Variants in EPHA8 observed in about 807,000 individuals in gnomAD.
EPHA8 encodes ephrin type-A receptor 8.
Under a neutral mutation model 103.6 loss-of-function variants are expected in EPHA8, and 58 were observed. The observed-to-expected ratio is 0.56, with a 90% CI of 0.45 to 0.70. The LOEUF (loss-of-function observed/expected upper bound fraction) is 0.70. Ranked by LOEUF, EPHA8 falls within the 30% of genes least tolerant of loss-of-function variation. The pLI, the probability that EPHA8 is intolerant of heterozygous loss-of-function variation, is 0.00. For missense variants in EPHA8, 1,304 were observed against 1,395.2 expected (o/e 0.93, Z 1.04); for synonymous variants, 559 against 572.5 (o/e 0.98, Z 0.34).
intron 3 of EPHA8, among the ~76,000 whole-genome samples, chr1:22,578,451 CGA>C (rs1298188148): frequency 9.1e-5 from 3 of 32,962 alleles, no homozygotes; most frequent in Admixed American, 3.3e-4. Context: ...TGCATGTGTG[CGA>C]GTGTATGCAT....
chr1:22,597,714 C>T lies in EPHA8; in HGVS notation c.1969C>T (p.Pro657Ser), dbSNP rs1641560977. 5 of 1,612,236 alleles carry T rather than the reference C, an allele frequency of 3.1e-6. No individual in the cohort carries two copies. Among genetic ancestry groups the T allele is most frequent in the Admixed American group, 1.7e-5 (1 of 59,946 alleles). Residue 657 changes from proline (P) to serine (S), a missense_variant, in exon 11 of 17, where the codon CCA becomes TCA. Coordinates refer to ENST00000166244, the MANE Select transcript of EPHA8 (RefSeq NM_020526.5). The surrounding 1 kb of genome is among the most constrained non-coding windows in gnomAD (Gnocchi z 4.6). ...GEVCYGRLRV[P>S]GQRDVPVAIK... Reference sequence around the variant, plus strand: ...AGTCTGCTACGGGAGGCTGCGGGTGCCAGGGCAGCGGGATGTGCCCGTGGC... The same window carrying T: ...AGTCTGCTACGGGAGGCTGCGGGTGTCAGGGCAGCGGGATGTGCCCGTGGC...
intron 2 of EPHA8, among the ~76,000 whole-genome samples, chr1:22,573,459 A>C (rs1196492421): frequency 6.6e-6 from 1 of 152,202 alleles, no homozygotes. Context: ...GGATGGGCAG[A>C]AAAAGACTTG....
chr1:22,578,381 T>C (rs1243899214), intron 3 of EPHA8, among the ~76,000 whole-genome samples: 1 of 148,312 alleles, frequency 6.7e-6, no homozygotes, highest in Non-Finnish European at 1.5e-5. Context: ...TGCTTTAGTA[T>C]ATGTATGCAT....
Position 22,596,126 on chromosome 1 carries a change from C to A in EPHA8, c.1718C>A (p.Ala573Asp). 1 of 1,613,930 alleles carries A rather than the reference C, an allele frequency of 6.2e-7. No homozygotes were observed. The highest frequency in any genetic ancestry group is 8.5e-7 in the Non-Finnish European group (1 of 1,179,990). Residue 573 changes from alanine (A) to aspartate (D), a missense_variant, in exon 9 of 17, where the codon GCC becomes GAC. Physicochemically the swap from Ala to Asp is moderately radical, Grantham distance 126. Transcript: ENST00000166244. ...TGCAGGCACTGTGGCTACAGCAAGG[C>A]CTTCCAGGACTCGGACGAGGAGAAG... Reference protein sequence around the residue: ...CKKRHCGYSKAFQDSDEEKMH... With the variant: ...CKKRHCGYSKDFQDSDEEKMH...
chr1:22,581,866 A>G (rs1314834626), intron 3 of EPHA8, among the ~76,000 whole-genome samples: 1 of 152,242 alleles, frequency 6.6e-6, no homozygotes, highest in African/African-American at 2.4e-5. Flanking sequence ...TAAGTCGCAC[A>G]AGGAAAGACA....
chr1:22,601,528 C>A, intron 16 of EPHA8, 55 bp downstream of exon 16: 2 of 1,602,954 alleles, frequency 1.2e-6, no homozygotes, highest in Non-Finnish European at 1.7e-6. Flanking sequence ...GGGGGGGACC[C>A]CTGCCGGGGA....
Position 22,601,397 on chromosome 1 carries a change from C to A in EPHA8, c.2827C>A (p.Arg943Ser), listed in dbSNP as rs199559772. The change falls in exon 16 of 17, where the codon CGC becomes AGC. Residue 943 changes from arginine (R) to serine (S), a missense_variant. Arg to Ser is a moderately radical substitution (Grantham distance 110). Transcript: ENST00000166244. ...CGTGGGGGACTGGCTGGACTCCATC[C>A]GCATGGGCCGGTACCGAGACCACTT... ...LTVGDWLDSI[R>S]MGRYRDHFAA... 1.9e-6 allele frequency: 3 copies of A among 1,611,382 alleles called. No individual in the cohort carries two copies. Among genetic ancestry groups the A allele is most frequent in the East Asian group, 2.2e-5 (1 of 44,860 alleles).
At chr1:22,585,053 G>A (rs543835297) in intron 3 of EPHA8, among the ~76,000 whole-genome samples, 2 of 94,234 alleles carry the variant, frequency 2.1e-5, no homozygotes, top group East Asian at 2.5e-4. Flanking sequence ...GTGTGTGTGC[G>A]CACGCGTGTG....
At chr1:22,578,869 A>T (rs1380722488) in intron 3 of EPHA8, among the ~76,000 whole-genome samples, 1 of 140,040 alleles carries the variant, frequency 7.1e-6, no homozygotes, top group Non-Finnish European at 1.6e-5. Flanking sequence ...GTGTATATGC[A>T]CGTGTCCGTG....
Position 22,598,683 on chromosome 1 carries a change from C to T in EPHA8, c.2179-155C>T, listed in dbSNP as rs1240855891. On this transcript the variant is annotated intron_variant, in intron 12 of 16. Coordinates refer to ENST00000166244, the MANE Select transcript of EPHA8 (RefSeq NM_020526.5). The surrounding 1 kb of genome is among the most constrained non-coding windows in gnomAD (Gnocchi z 5.1). Reference sequence around the variant, plus strand: ...GGGTAAATGAGACCAGGAGAATAACCCTTAACTGCAAAGTGCTTCAGAAGT... The same window carrying T: ...GGGTAAATGAGACCAGGAGAATAACTCTTAACTGCAAAGTGCTTCAGAAGT... 6.6e-6 allele frequency among the ~76,000 whole-genome samples: 1 copy of T among 152,190 alleles called. No homozygotes were observed. The highest frequency in any genetic ancestry group is 1.5e-5 in the Non-Finnish European group (1 of 68,036).
Position 22,601,999 on chromosome 1 carries a change from T to C in EPHA8, c.*258T>C, listed in dbSNP as rs1200472203. 2 of 565,830 alleles carry C rather than the reference T, an allele frequency of 3.5e-6. No homozygotes were observed. The highest frequency in any genetic ancestry group is 3.1e-6 in the Non-Finnish European group (1 of 323,502). 35.1% of individuals were successfully genotyped at this position (565,830 alleles called of 1,614,324 possible). A position where few individuals can be genotyped will look rare whatever the true frequency, so the allele number is the denominator to read the frequency against. ...CTTCTCTTTTCCAGAGCCTGGGGCCTCCACGTCACAGAGTCCAACAGGGAC... is the reference window on the plus strand; with the variant it reads ...CTTCTCTTTTCCAGAGCCTGGGGCCCCCACGTCACAGAGTCCAACAGGGAC... On this transcript the variant is annotated 3_prime_UTR_variant, in exon 17 of 17. Coordinates refer to ENST00000166244, the MANE Select transcript of EPHA8 (RefSeq NM_020526.5).
In EPHA8 at chr1:22,589,966, AC is replaced by A. The variant is rs1403167305; in HGVS notation, c.1315+763del. 2.0e-5 allele frequency among the ~76,000 whole-genome samples: 3 copies of A among 152,042 alleles called. No homozygotes were observed. Among genetic ancestry groups the A allele is most frequent in the Admixed American group, 1.3e-4 (2 of 15,270 alleles). On this transcript the variant is annotated intron_variant, in intron 5 of 16. Coordinates refer to ENST00000166244, the MANE Select transcript of EPHA8 (RefSeq NM_020526.5). The surrounding 1 kb of genome is among the most constrained non-coding windows in gnomAD (Gnocchi z 4.3). ...AGGAAGAAACTGAGGCCTGGAGAGC[AC>A]CCAGGGCCACCTGACATAGGAAGTG...
At chr1:22,572,448 G>A (rs144726951) in intron 2 of EPHA8, among the ~76,000 whole-genome samples, 2,850 of 152,312 alleles carry the variant, frequency 0.019, 25 homozygotes, top group Non-Finnish European at 0.026. Context: ...GAAGACTGGG[G>A]GAGGTCTGGC....
chr1:22,601,784 G>A lies in EPHA8; in HGVS notation c.*43G>A. 6.5e-7 allele frequency: 1 copy of A among 1,528,478 alleles called. No individual in the cohort carries two copies. Among genetic ancestry groups the A allele is most frequent in the Non-Finnish European group, 8.8e-7 (1 of 1,131,490 alleles). 94.7% of individuals were successfully genotyped at this position (1,528,478 alleles called of 1,614,324 possible). On this transcript the variant is annotated 3_prime_UTR_variant, in exon 17 of 17. Coordinates refer to ENST00000166244, the MANE Select transcript of EPHA8 (RefSeq NM_020526.5). ...CCAGGCAGCCACCAAGCCCACCCCA[G>A]GTCATGCCAGCGGCAGAGGACGTGA...
rs1276347160 is a variant in EPHA8, at chr1:22,577,845, T to C, written c.823+965T>C. Reference sequence around the variant, plus strand: ...GTGCATGTGTGCGTGTGTGCATGTATGTGTGCATGCGTATGTATGCATTGT... The same window carrying C: ...GTGCATGTGTGCGTGTGTGCATGTACGTGTGCATGCGTATGTATGCATTGT... On this transcript the variant is annotated intron_variant, in intron 3 of 16. Transcript: ENST00000166244. Among the ~76,000 whole-genome samples, 301 of 123,560 alleles carry C rather than the reference T, an allele frequency of 2.4e-3. 3 individuals are homozygous for C. Among genetic ancestry groups the C allele is most frequent in the African/African-American group, 7.9e-3 (189 of 23,966 alleles). The allele number at this position is 123,560 out of a possible 152,430, so 81.1% of individuals were successfully genotyped here.
rs1250156610 is a variant in EPHA8 at position 22,589,005 on chromosome 1, G to A, written c.1114G>A (p.Ala372Thr). 3.1e-6 allele frequency: 5 copies of A among 1,613,142 alleles called. No homozygotes were observed. Among genetic ancestry groups the A allele is most frequent in the Non-Finnish European group, 2.5e-6 (3 of 1,179,652 alleles). The change falls in exon 5 of 17, where the codon GCA (alanine) becomes ACA (threonine). Residue 372 changes from alanine (A) to threonine (T), a missense_variant. Transcript: ENST00000166244. This position sits in a 1 kb window ranked among gnomAD's most constrained non-coding sequence, Gnocchi z 4.3. Reference sequence around the variant, plus strand: ...TGCCGTGTGCCGCCGCTGCCCCTGGGCACTGAGCCGCTGCGAGGCATGTGG... The same window carrying A: ...TGCCGTGTGCCGCCGCTGCCCCTGGACACTGAGCCGCTGCGAGGCATGTGG... Reference protein sequence around the residue: ...YNAVCRRCPWALSRCEACGSG... With the variant: ...YNAVCRRCPWTLSRCEACGSG...
intron 3 of EPHA8, among the ~76,000 whole-genome samples, chr1:22,580,997 T>C (rs1641030883): frequency 6.6e-6 from 1 of 152,246 alleles, no homozygotes; most frequent in Non-Finnish European, 1.5e-5. Flanking sequence ...TAATTATCCA[T>C]TCTGCTGAGC....
Position 22,598,320 on chromosome 1 carries a change from A to C in EPHA8, c.2178+108A>C. 1 of 1,121,232 alleles carries C rather than the reference A, an allele frequency of 8.9e-7. No individual in the cohort carries two copies. Among genetic ancestry groups the C allele is most frequent in the Non-Finnish European group, 1.3e-6 (1 of 775,180 alleles). 69.5% of individuals were successfully genotyped at this position (1,121,232 alleles called of 1,614,324 possible). ...AAGCCCCCTCCCTGGCTTGGACACC[A>C]CAGGCCGGGGGACAGGAGGCAGGTA... On this transcript the variant is annotated intron_variant, in intron 12 of 16. Coordinates refer to ENST00000166244, the MANE Select transcript of EPHA8 (RefSeq NM_020526.5). This position sits in a 1 kb window ranked among gnomAD's most constrained non-coding sequence, Gnocchi z 5.1.
intron 3 of EPHA8, among the ~76,000 whole-genome samples, chr1:22,581,044 G>C (rs921185506): frequency 2.0e-5 from 3 of 152,168 alleles, no homozygotes; most frequent in African/African-American, 7.2e-5. Flanking sequence ...ACAGGTACAG[G>C]GAGTCCCTGC....
Sources: allele counts gnomAD v4.1 joint callset (sites outside exome capture counted in the v4.1 genomes callset), GRCh38; gene constraint gnomAD v4.1.1; non-coding constraint Gnocchi (gnomAD v3.1); transcripts MANE v1.5; gene names NCBI Gene and HGNC (gene_info 2026-07-23, HGNC 2026-07-21).